DCPH1: variants seen among roughly 807,000 people sequenced by gnomAD.
DCPH1 encodes the protein damage-control phosphatase 1.
the DCPH1 span, among the ~76,000 whole-genome samples, chr6:151,457,527 T>C: frequency 2.0e-5 from 3 of 152,194 alleles, no homozygotes; most frequent in African/African-American, 7.2e-5. Context: ...CTTCTTTTCT[T>C]CTATTTCTGA....
At chr6:151,460,702 T>G in the DCPH1 span, among the ~76,000 whole-genome samples, 19,630 of 151,540 alleles carry the variant, frequency 0.13, 1,574 homozygotes, top group East Asian at 0.38. Context: ...GAGAATCACT[T>G]GAACCCAGGA....
the DCPH1 span, chr6:151,464,546 G>A: frequency 6.2e-7 from 1 of 1,611,806 alleles, no homozygotes. Context: ...GTACTCACCT[G>A]CAACAATTGA....
chr6:151,466,791 A>G, the DCPH1 span, among the ~76,000 whole-genome samples: 1 of 152,178 alleles, frequency 6.6e-6, no homozygotes, highest in South Asian at 2.1e-4. Flanking sequence ...TGTGAAGGGA[A>G]AGTGCAGGAG....
At chr6:151,452,647 G>A in the DCPH1 span, 5 of 1,548,092 alleles carry the variant, frequency 3.2e-6, 1 homozygote, top group Admixed American at 5.9e-5. Context: ...GGGAGCCTGT[G>A]GGGACTAAGC....
the DCPH1 span, among the ~76,000 whole-genome samples, chr6:151,461,445 TG>T: frequency 6.6e-6 from 1 of 152,138 alleles, no homozygotes; most frequent in East Asian, 1.9e-4. Flanking sequence ...CTGAGGCAGG[TG>T]GATCTCCCGA....
the DCPH1 span, chr6:151,468,734 C>CT: frequency 2.5e-6 from 4 of 1,614,100 alleles, no homozygotes; most frequent in Admixed American, 6.7e-5. Context: ...AAGTGTGGGG[C>CT]TGACTGGGAA....
the DCPH1 span, among the ~76,000 whole-genome samples, chr6:151,459,666 C>T: frequency 6.6e-6 from 1 of 152,152 alleles, no homozygotes; most frequent in African/African-American, 2.4e-5. Flanking sequence ...TGGCACATGC[C>T]TGTTGTCCCA....
At chr6:151,460,315 C>T in the DCPH1 span, among the ~76,000 whole-genome samples, 20 of 151,806 alleles carry the variant, frequency 1.3e-4, no homozygotes, top group African/African-American at 4.8e-4. Context: ...CCTTGAACTC[C>T]TGACCTCGAA....
At chr6:151,452,643 C>A in the DCPH1 span, 1 of 1,550,238 alleles carries the variant, frequency 6.5e-7, no homozygotes, top group Admixed American at 2.0e-5. Flanking sequence ...CGCCGGGAGC[C>A]TGTGGGGACT....
the DCPH1 span, among the ~76,000 whole-genome samples, chr6:151,455,762 G>A: frequency 2.6e-5 from 4 of 152,120 alleles, no homozygotes; most frequent in Non-Finnish European, 5.9e-5. Context: ...ACCCTTTACG[G>A]GTGTCGGGCT....
chr6:151,468,388 G>A, the DCPH1 span: 2 of 1,584,048 alleles, frequency 1.3e-6, no homozygotes. Flanking sequence ...CTCAGGTGGA[G>A]AAAGTAGTTC....
chr6:151,467,602 C>G, the DCPH1 span, among the ~76,000 whole-genome samples: 1 of 151,980 alleles, frequency 6.6e-6, no homozygotes, highest in Non-Finnish European at 1.5e-5. Context: ...GGACTTGAGC[C>G]TTAGAGAGCT....
chr6:151,464,435 GT>G, the DCPH1 span: 1 of 1,582,514 alleles, frequency 6.3e-7, no homozygotes. Context: ...GTTTCACTTT[GT>G]TTTTCTCCTA....
chr6:151,460,011 TCTGTTCATTAG>T, the DCPH1 span, among the ~76,000 whole-genome samples: 1 of 152,198 alleles, frequency 6.6e-6, no homozygotes, highest in Non-Finnish European at 1.5e-5. Context: ...AACTTTAAAA[TCTGTTCATTAG>T]CTTTTTTGTC....
the DCPH1 span, among the ~76,000 whole-genome samples, chr6:151,455,818 CTA>C: frequency 6.6e-6 from 1 of 152,252 alleles, no homozygotes; most frequent in Non-Finnish European, 1.5e-5. Flanking sequence ...ATATTTCAGA[CTA>C]TCACATGGGG....
chr6:151,452,636 C>T, the DCPH1 span: 6 of 1,580,748 alleles, frequency 3.8e-6, no homozygotes, highest in Admixed American at 5.5e-5. Context: ...CGGGCCTCGC[C>T]GGGAGCCTGT....
At chr6:151,453,409 G>A in the DCPH1 span, among the ~76,000 whole-genome samples, 1 of 152,210 alleles carries the variant, frequency 6.6e-6, no homozygotes, top group African/African-American at 2.4e-5. Flanking sequence ...GAAAATTCAA[G>A]TGACAGTTGA....
chr6:151,454,583 C>A, the DCPH1 span: 1 of 1,571,600 alleles, frequency 6.4e-7, no homozygotes, highest in Non-Finnish European at 8.7e-7. Context: ...GACAGAATAC[C>A]ACAGATCTTA....
the DCPH1 span, chr6:151,454,694 A>C: frequency 1.0e-6 from 1 of 973,226 alleles, no homozygotes; most frequent in South Asian, 1.4e-5. Context: ...TTAATTTCTC[A>C]ACAGAAACAT....
Sources: allele counts gnomAD v4.1 joint callset (sites outside exome capture counted in the v4.1 genomes callset), GRCh38; gene constraint gnomAD v4.1.1; transcripts MANE v1.5; gene names NCBI Gene and HGNC (gene_info 2026-07-23, HGNC 2026-07-21).